Variants in RABGAP1 observed in about 807,000 individuals in gnomAD.
RABGAP1 encodes RAB GTPase activating protein 1, also known as rab GTPase-activating protein 1.
A neutral mutation model predicts 137.6 loss-of-function variants in RABGAP1; 23 were observed. That is an observed-to-expected ratio of 0.17 (90% CI 0.12 to 0.24). RABGAP1 has a LOEUF of 0.24. RABGAP1 is among the 10% of genes least tolerant of loss of function. RABGAP1 has a pLI of 1.00. For synonymous variants in RABGAP1, 451 were observed against 450.7 expected (o/e 1.00, Z -0.01); for missense variants, 906 against 1,275.8 (o/e 0.71, Z 4.42).
chr9:122,965,469 C>T (rs569814425), intron 2 of RABGAP1, among the ~76,000 whole-genome samples: 5 of 152,218 alleles, frequency 3.3e-5, no homozygotes, highest in Middle Eastern at 3.4e-3. Flanking sequence ...CTTCAACCTC[C>T]GCCTCCTGGG....
In RABGAP1 at chr9:122,989,439, A is replaced by T; in HGVS notation, c.733A>T (p.Ile245Leu). ...TCATTACAATGCAGAGCTCTTCAGA[A>T]TACACGTCTTCCGGTGTGAAATACA... ...ESHYNAELFR[I>L]HVFRCEIQEA... The change falls in exon 5 of 26, where the codon ATA becomes TTA. Residue 245 changes from isoleucine (I) to leucine (L), a missense_variant. Coordinates refer to ENST00000373647, the MANE Select transcript of RABGAP1 (RefSeq NM_012197.4). 6.2e-7 allele frequency: 1 copy of T among 1,614,064 alleles called. No homozygotes were observed. The highest frequency in any genetic ancestry group is 8.5e-7 in the Non-Finnish European group (1 of 1,180,010).
intron 2 of RABGAP1, among the ~76,000 whole-genome samples, chr9:122,958,729 C>G (rs1459415292): frequency 6.6e-6 from 1 of 152,086 alleles, no homozygotes; most frequent in Non-Finnish European, 1.5e-5. Flanking sequence ...TGAAAACTTG[C>G]CAGGTGTTGT....
chr9:122,956,606 C>T (rs992455643), intron 1 of RABGAP1, among the ~76,000 whole-genome samples: 3 of 148,064 alleles, frequency 2.0e-5, no homozygotes, highest in Non-Finnish European at 3.0e-5. Context: ...GCCGAGATCC[C>T]GCCACTGCAC....
chr9:123,076,538 T>A, intron 18 of RABGAP1, 96 bp from the exon 19 acceptor site: 2 of 1,368,566 alleles, frequency 1.5e-6, no homozygotes, highest in Admixed American at 5.0e-5. Context: ...CTTCTGGGGA[T>A]TGTAAAAGTG....
At chr9:122,940,759 G>C (rs1833494594), upstream of RABGAP1, 1 of 152,970 alleles carries the variant, frequency 6.5e-6, no homozygotes, top group Non-Finnish European at 1.5e-5. Context: ...CAGTCACGTA[G>C]TTGGCTGTCC....
chr9:123,021,988 G>C (rs146258472), intron 13 of RABGAP1, among the ~76,000 whole-genome samples: 7 of 152,226 alleles, frequency 4.6e-5, no homozygotes, highest in Non-Finnish European at 1.0e-4. Context: ...TAGAAAGATG[G>C]GTACAGCATT....
At chr9:123,074,862 C>T (rs1025427943) in intron 17 of RABGAP1, among the ~76,000 whole-genome samples, 2 of 152,146 alleles carry the variant, frequency 1.3e-5, no homozygotes, top group African/African-American at 4.8e-5. Context: ...GAGGGTGCCT[C>T]CTCTGTTTTC....
chr9:122,942,669 C>CAAAAA (rs10660327), intron 1 of RABGAP1, among the ~76,000 whole-genome samples: 4,684 of 90,154 alleles, frequency 0.052, 792 homozygotes, highest in Middle Eastern at 0.075. Context: ...GACTCCGTCT[C>CAAAAA]AAAAAAAAAA....
chr9:122,967,154 A>G (rs1394697816), intron 2 of RABGAP1, among the ~76,000 whole-genome samples: 18 of 152,216 alleles, frequency 1.2e-4, no homozygotes, highest in Admixed American at 1.2e-3. Flanking sequence ...GATTTGGCTA[A>G]TAGATTGATT....
At chr9:123,045,396 T>G (rs2033159400) in intron 13 of RABGAP1, among the ~76,000 whole-genome samples, 1 of 152,184 alleles carries the variant, frequency 6.6e-6, no homozygotes, top group South Asian at 2.1e-4. Flanking sequence ...CTTTTTTCAT[T>G]TATAAAAGTT....
Position 122,948,042 on chromosome 9 carries a change from A to AACACACACACACAC in RABGAP1, c.-50+6977_-50+6990dup, listed in dbSNP as rs55683114. Among the ~76,000 whole-genome samples, 14 of 146,044 alleles carry AACACACACACACAC rather than the reference A, an allele frequency of 9.6e-5. No homozygotes were observed. The East Asian group carries it at 1.2e-3, about 13-fold the overall frequency. ...GTGAAACAAAGTTCAGAGCCAGGAAAACACACACACACACACACACACACA... is the reference window on the plus strand; with the variant it reads ...GTGAAACAAAGTTCAGAGCCAGGAAAACACACACACACACACACACACACACACACACACACACA... On this transcript the variant is annotated intron_variant, in intron 1 of 25. Coordinates refer to ENST00000373647, the MANE Select transcript of RABGAP1 (RefSeq NM_012197.4).
At chr9:123,039,403 A>T (rs1414214096) in intron 13 of RABGAP1, among the ~76,000 whole-genome samples, 1 of 152,062 alleles carries the variant, frequency 6.6e-6, no homozygotes, top group Non-Finnish European at 1.5e-5. Flanking sequence ...CTCAGAGCAG[A>T]AGTTTTAGTA....
intron 11 of RABGAP1, among the ~76,000 whole-genome samples, chr9:123,012,867 A>C (rs1324413405): frequency 6.6e-6 from 1 of 152,236 alleles, no homozygotes; most frequent in Non-Finnish European, 1.5e-5. Flanking sequence ...AATTCTCCCT[A>C]ACGCAGTGTA....
intron 10 of RABGAP1, among the ~76,000 whole-genome samples, chr9:123,002,683 A>T (rs1837387710): frequency 8.0e-6 from 1 of 125,732 alleles, no homozygotes; most frequent in Non-Finnish European, 1.9e-5. Context: ...GCTACATGTT[A>T]ATTCAATGTA....
At chr9:123,054,588 G>C (rs894524771) in intron 13 of RABGAP1, among the ~76,000 whole-genome samples, 1 of 152,030 alleles carries the variant, frequency 6.6e-6, no homozygotes, top group African/African-American at 2.4e-5. Context: ...TTGAGATGTT[G>C]TTAACTAAAT....
intron 10 of RABGAP1, among the ~76,000 whole-genome samples, chr9:123,008,650 CTCTT>C (rs2030526257): frequency 6.6e-6 from 1 of 151,486 alleles, no homozygotes; most frequent in Non-Finnish European, 1.5e-5. Context: ...ATTTTAAATT[CTCTT>C]TCTTATTAAA....
chr9:122,959,698 G>A (rs1834748893), intron 2 of RABGAP1, among the ~76,000 whole-genome samples: 1 of 152,182 alleles, frequency 6.6e-6, no homozygotes, highest in Non-Finnish European at 1.5e-5. Context: ...TATTGGTGCA[G>A]TGAAGAAGAC....
Position 123,013,556 on chromosome 9 carries a change from C to T in RABGAP1, c.1550-1987C>T, listed in dbSNP as rs561680072. Among the ~76,000 whole-genome samples the T allele has an allele frequency of 4.3e-4, 65 of 152,234 alleles. 1 individual carries two copies. Among genetic ancestry groups the T allele is most frequent in the African/African-American group, 1.5e-3 (62 of 41,534 alleles). ...CAGGTTGGCCAAGGCTTGTCTCGAA[C>T]TCCTGACCTCAGATGATCCACCCAC... is the stretch of plus-strand genomic sequence containing the variant. On this transcript the variant is annotated intron_variant, in intron 11 of 25. Coordinates refer to ENST00000373647, the MANE Select transcript of RABGAP1 (RefSeq NM_012197.4).
At position 122,997,361 on chromosome 9, in the gene RABGAP1, G is replaced by C; in HGVS notation, c.1204G>C (p.Asp402His). 1.3e-6 allele frequency: 2 copies of C among 1,586,330 alleles called. No homozygotes were observed. Among genetic ancestry groups the C allele is most frequent in the Non-Finnish European group, 1.7e-6 (2 of 1,162,534 alleles). ...FQVVNEETPK[D>H]KVLFMTTAVD... ...AGTTGTAAATGAAGAAACTCCTAAA[G>C]GTGATACAGATTGTTGACATCATGA... The change falls in exon 9 of 26, where the codon GAT becomes CAT. Residue 402 changes from aspartate to histidine, a missense_variant and splice_region_variant. Physicochemically the swap from Asp to His is moderately conservative, Grantham distance 81 (BLOSUM62 -1). Around this residue, in one of 9 missense-constraint regions of RABGAP1, gnomAD observed 212 missense variants for 289.4 expected, o/e 0.73. Transcript: ENST00000373647.
Sources: gnomAD v4.1 joint callset for allele counts (sites outside exome capture counted in the v4.1 genomes callset) on GRCh38, gnomAD v4.1.1 for gene constraint, gnomAD v4.1.1 regional missense constraint, MANE v1.5 for transcripts, NCBI Gene and HGNC (gene_info 2026-07-23, HGNC 2026-07-21) for gene names.